Variants in FOXP1 observed in about 807,000 individuals in gnomAD.
The protein encoded by FOXP1 is forkhead box protein P1.
FOXP1 carries 15 observed loss-of-function variants against 98.2 expected under a neutral mutation model. That is an observed-to-expected ratio of 0.15 (90% CI 0.10 to 0.24). The LOEUF is 0.24. Among genes scored for constraint, FOXP1 ranks in the 10% least tolerant of loss-of-function variants. FOXP1 has a pLI of 1.00. For synonymous variants in FOXP1, 371 were observed against 314.5 expected (o/e 1.18, Z -1.90); for missense variants, 633 against 848.5 (o/e 0.75, Z 3.15).
rs748399347 is a variant in FOXP1, at chr3:70,977,075, T to A, written c.1429-33A>T. On this transcript the variant is annotated intron_variant, in intron 16 of 20. Coordinates refer to ENST00000649528, the MANE Select transcript of FOXP1 (RefSeq NM_001349338.3). Reference sequence around the variant, plus strand: ...GCAGAATGTAACAGAAGATAATTTATGACCAAATCAGCAGAGTCGTCATTC... The same window carrying A: ...GCAGAATGTAACAGAAGATAATTTAAGACCAAATCAGCAGAGTCGTCATTC... The A allele has an allele frequency of 5.0e-6, 7 of 1,403,384 alleles. No individual in the cohort carries two copies. The African/African-American group carries it at 9.9e-5, about 20-fold the overall frequency. The allele number at this position is 1,403,384 out of a possible 1,614,324, so 86.9% of individuals were successfully genotyped here.
chr3:71,008,875 C>T (rs1227584806), intron 12 of FOXP1, among the ~76,000 whole-genome samples: 1 of 151,980 alleles, frequency 6.6e-6, no homozygotes, highest in Non-Finnish European at 1.5e-5. Context: ...AAAAAATATG[C>T]TTCAGTTTTA....
At chr3:71,017,422 C>A (rs576779559) in intron 11 of FOXP1, among the ~76,000 whole-genome samples, 2 of 151,606 alleles carry the variant, frequency 1.3e-5, no homozygotes, top group African/African-American at 4.8e-5. Context: ...TAATTATTTT[C>A]TTTAGCAATT....
chr3:70,985,570 A>T (rs2039599553), intron 14 of FOXP1, among the ~76,000 whole-genome samples: 1 of 152,204 alleles, frequency 6.6e-6, no homozygotes, highest in Admixed American at 6.5e-5. Context: ...CCGACAACAG[A>T]GTGTCACACA....
At chr3:71,488,423 T>C (rs1271133738) in intron 3 of FOXP1, among the ~76,000 whole-genome samples, 1 of 152,072 alleles carries the variant, frequency 6.6e-6, no homozygotes, top group Non-Finnish European at 1.5e-5. Context: ...GGGGTGGGGG[T>C]GTGGAGGTTC....
intron 5 of FOXP1, among the ~76,000 whole-genome samples, chr3:71,270,605 G>A (rs371378203): frequency 5.9e-5 from 9 of 152,146 alleles, no homozygotes; most frequent in Non-Finnish European, 7.4e-5. Flanking sequence ...TGAAAATTTC[G>A]TCTTAACAAC....
chr3:71,263,898 C>T (rs141445653), intron 5 of FOXP1, among the ~76,000 whole-genome samples: 1 of 151,724 alleles, frequency 6.6e-6, no homozygotes, highest in African/African-American at 2.4e-5. Flanking sequence ...GCACATGCCA[C>T]GACTCCCAGC....
At chr3:71,468,782 G>A (rs1450253080) in intron 3 of FOXP1, among the ~76,000 whole-genome samples, 3 of 152,160 alleles carry the variant, frequency 2.0e-5, no homozygotes, top group Admixed American at 6.5e-5. Flanking sequence ...TGAATCATGT[G>A]AGGCTTTTAA....
At chr3:71,086,913 A>G (rs927175520) in intron 7 of FOXP1, among the ~76,000 whole-genome samples, 3 of 152,164 alleles carry the variant, frequency 2.0e-5, no homozygotes, top group Non-Finnish European at 4.4e-5. Flanking sequence ...GAGAACAAAC[A>G]TTACAGAGAA....
chr3:71,238,179 G>A (rs2066955616), intron 5 of FOXP1, among the ~76,000 whole-genome samples: 1 of 152,218 alleles, frequency 6.6e-6, no homozygotes, highest in Admixed American at 6.5e-5. Context: ...ATGCAGTGGT[G>A]ATTCAGTGAA....
chr3:71,501,981 G>A (rs1046369825), intron 2 of FOXP1, among the ~76,000 whole-genome samples: 2 of 152,160 alleles, frequency 1.3e-5, no homozygotes, highest in Non-Finnish European at 2.9e-5. Flanking sequence ...ATGGTGGCAC[G>A]ACAGCGCCTG....
intron 3 of FOXP1, among the ~76,000 whole-genome samples, chr3:71,421,183 C>T (rs376098389): frequency 2.6e-5 from 4 of 152,084 alleles, no homozygotes; most frequent in East Asian, 1.9e-4. Context: ...GAGACCTGAG[C>T]GACAAATTCT....
rs1052359390 is a variant in FOXP1, at chr3:70,958,936, G to C, written c.*311C>G. On this transcript the variant is annotated 3_prime_UTR_variant, in exon 21 of 21. Transcript: ENST00000649528. ...TGCAGTTCAAAGTCTGCTGCTAAAA[G>C]TGAATCAGTTTAGCAAATTTACAAC... 9.3e-6 allele frequency: 4 copies of C among 429,192 alleles called. No homozygotes were observed. The highest frequency in any genetic ancestry group is 7.9e-5 in the African/African-American group (4 of 50,538). The allele number at this position is 429,192 out of a possible 1,614,324, so 26.6% of individuals were successfully genotyped here.
intron 5 of FOXP1, among the ~76,000 whole-genome samples, chr3:71,261,216 A>C (rs2069108713): frequency 6.6e-6 from 1 of 152,226 alleles, no homozygotes; most frequent in African/African-American, 2.4e-5. Context: ...CTTCCAGCAC[A>C]TTAAGGTTTG....
At chr3:71,339,396 A>G (rs907593926) in intron 4 of FOXP1, among the ~76,000 whole-genome samples, 1 of 152,242 alleles carries the variant, frequency 6.6e-6, no homozygotes, top group Non-Finnish European at 1.5e-5. Context: ...AAGGTACATT[A>G]TCATTCCCAC....
At chr3:70,959,448 G>T in intron 20 of FOXP1, 57 bp from the exon 21 acceptor site, 1 of 1,604,522 alleles carries the variant, frequency 6.2e-7, no homozygotes, top group Non-Finnish European at 8.5e-7. Flanking sequence ...TGCAGCTCAG[G>T]TGCACTGAAA....
chr3:71,241,006 C>T (rs183600696), intron 5 of FOXP1, among the ~76,000 whole-genome samples: 5 of 151,284 alleles, frequency 3.3e-5, no homozygotes, highest in Admixed American at 2.0e-4. Context: ...GTCAGGAGTT[C>T]GAGACCAGCC....
At chr3:71,248,185 AATAG>A (rs1479644307) in intron 5 of FOXP1, among the ~76,000 whole-genome samples, 2 of 152,218 alleles carry the variant, frequency 1.3e-5, no homozygotes, top group African/African-American at 2.4e-5. Context: ...AGGAGCCCAA[AATAG>A]ATAGTGTTCT....
At chr3:71,101,108 A>G (rs1054535443) in intron 7 of FOXP1, among the ~76,000 whole-genome samples, 10 of 152,168 alleles carry the variant, frequency 6.6e-5, no homozygotes, top group Non-Finnish European at 1.5e-4. Context: ...AAAGGAACGG[A>G]CAGAAAATAC....
chr3:70,976,964 G>A lies in FOXP1; in HGVS notation c.1507C>T (p.Arg503Ter), dbSNP rs797045584. Residue 503 changes from arginine to a stop codon, truncating the protein, a stop_gained, in exon 17 of 21, where the codon CGA becomes TGA. Transcript: ENST00000649528. LOFTEE classifies it high-confidence loss of function. ...ACCTTCCACGTGGCCGCGTTGCGTC[G>A]GAAGTAAGCAAACATTCGTGTGAAC... is the stretch of plus-strand genomic sequence containing the variant. Reference protein sequence around the residue: ...NWFTRMFAYFRRNAATWKNAV... With the variant: ...NWFTRMFAYF 1 of 1,613,956 alleles carries A rather than the reference G, an allele frequency of 6.2e-7. No homozygotes were observed. The highest frequency in any genetic ancestry group is 8.5e-7 in the Non-Finnish European group (1 of 1,179,846).
Sources: gnomAD v4.1 joint callset for allele counts (sites outside exome capture counted in the v4.1 genomes callset) on GRCh38, gnomAD v4.1.1 for gene constraint, MANE v1.5 for transcripts, NCBI Gene and HGNC (gene_info 2026-07-23, HGNC 2026-07-21) for gene names.